CCDC157: variants seen among roughly 807,000 people sequenced by gnomAD.
CCDC157 encodes coiled-coil domain containing 157.
CCDC157 carries 60 observed loss-of-function variants against 70.9 expected under a neutral mutation model. The ratio of observed to expected loss-of-function variants is 0.85; its 90% CI spans 0.69 to 1.05. CCDC157 has a LOEUF of 1.05. Among genes scored for constraint, CCDC157 ranks in the 50% least tolerant of loss-of-function variants. The pLI, the probability that CCDC157 is intolerant of heterozygous loss-of-function variation, is 0.00. For missense variants in CCDC157, 943 were observed against 984.2 expected, an observed-to-expected ratio of 0.96 and a Z score of 0.56; for synonymous variants, 373 against 422.4, an observed-to-expected ratio of 0.88 and a Z score of 1.43.
chr22:30,357,788 G>GT (rs958744763), intron 1 of CCDC157, among the ~76,000 whole-genome samples: 3 of 151,640 alleles, frequency 2.0e-5, no homozygotes, highest in Non-Finnish European at 2.9e-5. Context: ...AAGTGTTAGG[G>GT]TTACAGGCGT....
At position 30,371,673 on chromosome 22, in the gene CCDC157, A is replaced by C. The variant is rs760246727; in HGVS notation, c.1069A>C (p.Met357Leu). ...AGAAACAAGTGACCTAAAGACAAAGATGGCCACCCTGGAGAGAGAACTGAA... is the reference window on the plus strand; with the variant it reads ...AGAAACAAGTGACCTAAAGACAAAGCTGGCCACCCTGGAGAGAGAACTGAA... Reference protein sequence around the residue: ...LTETSDLKTKMATLERELKQQ... With the variant: ...LTETSDLKTKLATLERELKQQ... Residue 357 changes from methionine (M) to leucine (L), a missense_variant, in exon 6 of 12, where the codon ATG (methionine) becomes CTG (leucine). By Grantham distance (15) the Met-to-Leu change is conservative. Transcript: ENST00000338306. The C allele has an allele frequency of 1.9e-6, 3 of 1,614,192 alleles. No homozygotes were observed. The Admixed American group carries it at 5.0e-5, about 27-fold the overall frequency.
rs770269558 is a variant in CCDC157 at position 30,373,654 on chromosome 22, C to T, written c.1393C>T (p.Arg465Cys). Residue 465 changes from arginine (R) to cysteine (C), a missense_variant, in exon 8 of 12, where the codon CGT becomes TGT. Physicochemically the swap from Arg to Cys is radical, Grantham distance 180. Coordinates refer to ENST00000338306, the MANE Select transcript of CCDC157 (RefSeq NM_001017437.5). ...LKQLDSLDQE[R>C]EELRGSLDEA... ...GCAGCTGGACAGCCTGGACCAGGAA[C>T]GTGAGGAGCTGCGGGGCAGCCTGGA... 1.9e-5 allele frequency: 30 copies of T among 1,558,634 alleles called. No individual in the cohort carries two copies. The highest frequency in any genetic ancestry group is 7.1e-5 in the South Asian group (6 of 84,948).
intron 1 of CCDC157, among the ~76,000 whole-genome samples, chr22:30,359,852 G>T (rs1357323362): frequency 1.3e-5 from 2 of 152,148 alleles, no homozygotes; most frequent in Non-Finnish European, 2.9e-5. Flanking sequence ...CTCACTCATT[G>T]CAAGTTTAAT....
intron 1 of CCDC157, among the ~76,000 whole-genome samples, chr22:30,357,641 A>G (rs1418968424): frequency 1.3e-5 from 2 of 149,454 alleles, no homozygotes; most frequent in Non-Finnish European, 3.0e-5. Context: ...AGTGGCTGGG[A>G]CTACAGGCGC....
At chr22:30,366,451 C>T (rs943762031) in intron 3 of CCDC157, 6 of 652,266 alleles carry the variant, frequency 9.2e-6, no homozygotes, top group African/African-American at 9.1e-5. Context: ...GCTGTGCTAT[C>T]CTGTGTTAGG....
At position 30,377,742 on chromosome 22, in the gene CCDC157, C is replaced by A. The variant is rs5997628; in HGVS notation, c.*997C>A. ...AGGGAGGCTGGGGTGCCCCGGGCAC[C>A]CCCCTCACAGGGGAGCACCATCCCT... is the stretch of plus-strand genomic sequence containing the variant. On this transcript the variant is annotated 3_prime_UTR_variant, in exon 12 of 12. Transcript: ENST00000338306. 59,820 of 185,784 alleles carry A rather than the reference C, an allele frequency of 0.32. 10,226 individuals carry two copies. The highest frequency in any genetic ancestry group is 0.43 in the East Asian group (3,023 of 6,986). The allele number at this position is 185,784 out of a possible 1,614,324, so 11.5% of individuals were successfully genotyped here.
In CCDC157 at chr22:30,369,585, C is replaced by G. The variant is rs771952888; in HGVS notation, c.402C>G (p.His134Gln). Residue 134 changes from histidine to glutamine, a missense_variant, in exon 4 of 12, where the codon CAC becomes CAG. Transcript: ENST00000338306. The part of the protein sequence containing the change: ...WDSLLRLGTL[H>Q]QQPLPQKGAN... ...GCCTGCTGAGGCTGGGCACGCTCCA[C>G]CAGCAGCCACTCCCCCAGGTGGGTC... The G allele has an allele frequency of 2.0e-5, 31 of 1,568,280 alleles. No homozygotes were observed. The highest frequency in any genetic ancestry group is 2.6e-5 in the Non-Finnish European group (30 of 1,160,418).
intron 1 of CCDC157, among the ~76,000 whole-genome samples, chr22:30,361,062 A>C (rs1015172231): frequency 1.3e-5 from 2 of 151,680 alleles, no homozygotes; most frequent in African/African-American, 4.8e-5. Flanking sequence ...AATAATAAAT[A>C]CAATTAAAAA....
chr22:30,365,659 G>T (rs974364361), intron 2 of CCDC157, among the ~76,000 whole-genome samples: 1 of 152,146 alleles, frequency 6.6e-6, no homozygotes, highest in Non-Finnish European at 1.5e-5. Context: ...GGTTCGCTTT[G>T]GGAGGAAAGG....
At chr22:30,375,921 C>G in intron 10 of CCDC157, 1 of 552,944 alleles carries the variant, frequency 1.8e-6, no homozygotes, top group East Asian at 3.1e-5. Flanking sequence ...GGTGCGGCGG[C>G]TCATGCCTGT....
chr22:30,370,510 C>T lies in CCDC157; in HGVS notation c.605C>T (p.Thr202Ile), dbSNP rs1027421677. 6.2e-7 allele frequency: 1 copy of T among 1,614,120 alleles called. No individual in the cohort carries two copies. The part of the protein sequence containing the change: ...VRASLQFPAT[T>I]FKNTRSVHSQ... ...GCCTCCCTGCAGTTCCCAGCCACGA[C>T]CTTCAAGAACACCAGGAGTGTCCAC... Residue 202 changes from threonine to isoleucine, a missense_variant, in exon 5 of 12, where the codon ACC (threonine) becomes ATC (isoleucine). Transcript: ENST00000338306.
chr22:30,365,595 A>G (rs974972190), intron 2 of CCDC157, among the ~76,000 whole-genome samples: 1 of 151,636 alleles, frequency 6.6e-6, no homozygotes, highest in Non-Finnish European at 1.5e-5. Context: ...GTGTGGCCCA[A>G]CTCTCCCCAT....
rs1012644209 is a variant in CCDC157, at chr22:30,376,274, C to T, written c.1873C>T (p.Arg625Trp). 21 of 1,607,816 alleles carry T rather than the reference C, an allele frequency of 1.3e-5. No individual in the cohort carries two copies. The highest frequency in any genetic ancestry group is 2.7e-5 in the African/African-American group (2 of 73,952). The stretch of plus-strand genomic sequence containing the variant: ...TTTTTTGTAGCTGATCCCGCAGGAC[C>T]GGCTCTGGTCCCCTTCCAGCAAGGG... ...QGGLKLIPQD[R>W]LWSPSSKGTQ... The change falls in exon 11 of 12, where the codon CGG (arginine) becomes TGG (tryptophan). Residue 625 changes from arginine (R) to tryptophan (W), a missense_variant. Physicochemically the swap from Arg to Trp is moderately radical, Grantham distance 101 (BLOSUM62 -3). Coordinates refer to ENST00000338306, the MANE Select transcript of CCDC157 (RefSeq NM_001017437.5).
At chr22:30,368,114 A>T (rs896435371) in intron 3 of CCDC157, among the ~76,000 whole-genome samples, 1 of 152,220 alleles carries the variant, frequency 6.6e-6, no homozygotes, top group African/African-American at 2.4e-5. Context: ...AAAGAATGTG[A>T]GAGGGACTCC....
chr22:30,356,780 G>C, upstream of CCDC157: 1 of 1,435,810 alleles, frequency 7.0e-7, no homozygotes, highest in South Asian at 1.4e-5. Context: ...GCCTGCACGG[G>C]TCCGGCCGGC....
chr22:30,365,878 C>G, intron 2 of CCDC157, 112 bp from the exon 3 acceptor site: 2 of 1,063,996 alleles, frequency 1.9e-6, no homozygotes, highest in Non-Finnish European at 2.7e-6. Flanking sequence ...TCCCCAGGGT[C>G]TGGGGTGAAC....
chr22:30,369,460 A>G lies in CCDC157; in HGVS notation c.277A>G (p.Ser93Gly). 1 of 1,553,390 alleles carries G rather than the reference A, an allele frequency of 6.4e-7. No individual in the cohort carries two copies. The highest frequency in any genetic ancestry group is 8.7e-7 in the Non-Finnish European group (1 of 1,147,980). Residue 93 changes from serine (S) to glycine (G), a missense_variant, in exon 4 of 12, where the codon AGC becomes GGC. Coordinates refer to ENST00000338306, the MANE Select transcript of CCDC157 (RefSeq NM_001017437.5). ...RLLLLLQSCM[S>G]YLENLGSEQM... The stretch of plus-strand genomic sequence containing the variant: ...CCTGCTGCTGCTTCAAAGCTGTATG[A>G]GCTACTTGGAGAACCTTGGCTCAGA...
rs1357637767 is a variant in CCDC157, at chr22:30,370,714, C to CCA, written c.811_812dup (p.Val272ProfsTer13). 1.8e-5 allele frequency: 29 copies of CCA among 1,613,406 alleles called. No homozygotes were observed. Among genetic ancestry groups the CCA allele is most frequent in the Non-Finnish European group, 2.3e-5 (27 of 1,179,832 alleles). On this transcript the variant is annotated frameshift_variant, in exon 5 of 12. Coordinates refer to ENST00000338306, the MANE Select transcript of CCDC157 (RefSeq NM_001017437.5). LOFTEE classifies it high-confidence loss of function. ...ATGGGGCTCAGGCCACTGCCGGCTG[C>CCA]CACCGTGGGCCGCTGGGCAGCAGAG...
chr22:30,372,185 TTGG>T lies in CCDC157; in HGVS notation c.1238_1240del (p.Val413del). The T allele has an allele frequency of 1.3e-6, 2 of 1,587,888 alleles. No individual in the cohort carries two copies. Among genetic ancestry groups the T allele is most frequent in the Non-Finnish European group, 8.5e-7 (1 of 1,169,804 alleles). Reference sequence around the variant, plus strand: ...GCAGTTGGAGGCGCAGGTGCAGCTGTTGGTGGGTCGGCTGGAGGGCGCTGGCCA... The same window carrying T: ...GCAGTTGGAGGCGCAGGTGCAGCTGTTGGGTCGGCTGGAGGGCGCTGGCCA... On this transcript the variant is annotated inframe_deletion, in exon 7 of 12. Transcript: ENST00000338306.
Sources: gnomAD v4.1 joint callset for allele counts (sites outside exome capture counted in the v4.1 genomes callset) on GRCh38, gnomAD v4.1.1 for gene constraint, MANE v1.5 for transcripts, NCBI Gene and HGNC (gene_info 2026-07-23, HGNC 2026-07-21) for gene names.